Variants in CIT observed in about 807,000 individuals in gnomAD.
CIT encodes the protein citron rho-interacting serine/threonine kinase.
A neutral mutation model predicts 272.7 loss-of-function variants in CIT; 79 were observed. The observed-to-expected ratio is 0.29, with a 90% CI of 0.24 to 0.35. The LOEUF (loss-of-function observed/expected upper bound fraction) is 0.35, where lower values mean the gene tolerates loss of function less well. Among genes scored for constraint, CIT ranks in the 10% least tolerant of loss-of-function variants. The probability of loss-of-function intolerance (pLI) is 1.00; values close to 1 mark genes in which losing one functional copy is unlikely to be tolerated. For synonymous variants in CIT, 948 were observed against 995.6 expected, an observed-to-expected ratio of 0.95 and a Z score of 0.90; for missense variants, 1,909 against 2,618.3, an observed-to-expected ratio of 0.73 and a Z score of 5.91.
intron 9 of CIT, among the ~76,000 whole-genome samples, chr12:119,816,034 G>A (rs1317018790): frequency 6.6e-6 from 1 of 152,168 alleles, no homozygotes; most frequent in Non-Finnish European, 1.5e-5. Flanking sequence ...TTGTATTGTG[G>A]ACTAGTGATA....
At chr12:119,835,742 A>T (rs1968949547) in intron 5 of CIT, among the ~76,000 whole-genome samples, 1 of 152,156 alleles carries the variant, frequency 6.6e-6, no homozygotes, top group Non-Finnish European at 1.5e-5. Context: ...TCAGAAGTAG[A>T]GCATCTGCAC....
chr12:119,758,408 T>C (rs1961311560), intron 21 of CIT, among the ~76,000 whole-genome samples, 183 bp downstream of exon 21: 2 of 152,102 alleles, frequency 1.3e-5, no homozygotes, highest in African/African-American at 4.8e-5. Flanking sequence ...AAAACCCGAC[T>C]CAAAAGTGGC....
In CIT at chr12:119,714,449, G is replaced by A. The variant is rs1593446965; in HGVS notation, c.4169-115C>T. 22 of 1,077,688 alleles carry A rather than the reference G, an allele frequency of 2.0e-5. No individual in the cohort carries two copies. In the East Asian group the frequency reaches 2.6e-4, roughly 13 times the overall value. 66.8% of individuals were successfully genotyped at this position (1,077,688 alleles called of 1,614,324 possible). A position where few individuals can be genotyped will look rare whatever the true frequency, so the allele number is the denominator to read the frequency against. ...ACTTGCAAATCAAATCTCTGATAAG[G>A]GACTCATATCTAGAATACATAAAGA... On this transcript the variant is annotated intron_variant, in intron 32 of 47. Transcript: ENST00000392521.
At chr12:119,761,464 C>T (rs1566003665) in intron 19 of CIT, among the ~76,000 whole-genome samples, 1 of 152,076 alleles carries the variant, frequency 6.6e-6, no homozygotes, top group Non-Finnish European at 1.5e-5. Context: ...CCAGTGCACC[C>T]GTAGTTTTCA....
chr12:119,740,128 G>A (rs1958986456), intron 24 of CIT, among the ~76,000 whole-genome samples: 1 of 152,114 alleles, frequency 6.6e-6, no homozygotes, highest in African/African-American at 2.4e-5. Context: ...TCTCTCTCAG[G>A]TTCACACACA....
intron 2 of CIT, among the ~76,000 whole-genome samples, chr12:119,872,301 G>A (rs903508784): frequency 1.3e-5 from 2 of 151,970 alleles, no homozygotes; most frequent in Non-Finnish European, 2.9e-5. Context: ...AAATTTTGCT[G>A]GCTCAGAAAG....
chr12:119,783,523 G>C (rs1964495639), intron 12 of CIT: 1 of 157,874 alleles, frequency 6.3e-6, no homozygotes, highest in Admixed American at 6.4e-5. Context: ...CAGGAAGATT[G>C]AAAGTAAGTT....
chr12:119,710,520 C>T lies in CIT; in HGVS notation c.4935+20G>A, dbSNP rs200239051. ...TGGCTGTAACCAGACACCAGCTGGC[C>T]GTGCCCATGCAAGCATTACCTGGTC... On this transcript the variant is annotated intron_variant, in intron 38 of 47. Transcript: ENST00000392521. The surrounding 1 kb of genome is among the most constrained non-coding windows in gnomAD (Gnocchi z 5.6). The T allele has an allele frequency of 2.7e-5, 44 of 1,613,730 alleles. No individual in the cohort carries two copies. The highest frequency in any genetic ancestry group is 1.0e-4 in the Admixed American group (6 of 60,020).
At chr12:119,688,681 T>C (rs983210532) in intron 47 of CIT, among the ~76,000 whole-genome samples, 1 of 152,202 alleles carries the variant, frequency 6.6e-6, no homozygotes, top group African/African-American at 2.4e-5. Context: ...CACCAAGCAC[T>C]TGAGCCATGC....
chr12:119,713,551 G>A lies in CIT; in HGVS notation c.4404C>T (p.Cys1468=), dbSNP rs554282569. 2 of 1,614,222 alleles carry A rather than the reference G, an allele frequency of 1.2e-6. No homozygotes were observed. The highest frequency in any genetic ancestry group is 2.2e-5 in the South Asian group (2 of 91,084). Residue 1468 remains cysteine (C), a synonymous_variant, in exon 34 of 48, where the codon TGC becomes TGT. Transcript: ENST00000392521. The surrounding 1 kb of genome is among the most constrained non-coding windows in gnomAD (Gnocchi z 5.2). ...EYATHFTEAF[C]RDKMNSPGLQ... is the part of the protein sequence containing the mutation. ...GACCTGGGGAGTTCATTTTGTCACG[G>A]CAGAAGGCCTCGGTGAAGTGTGTGG...
At position 119,697,524 on chromosome 12, in the gene CIT, C is replaced by T. The variant is rs1033330795; in HGVS notation, c.5882+135G>A. On this transcript the variant is annotated intron_variant, in intron 46 of 47. Transcript: ENST00000392521. This position sits in a 1 kb window ranked among gnomAD's most constrained non-coding sequence, Gnocchi z 4.9. ...TCTGTGTTATTTCAGTGCCGCAGAT[C>T]GCAAACAAATGAATGGTTTGAGCTT... 7.3e-6 allele frequency: 7 copies of T among 957,040 alleles called. No homozygotes were observed. The highest frequency in any genetic ancestry group is 2.4e-5 in the East Asian group (1 of 41,628). The allele number at this position is 957,040 out of a possible 1,614,324, so 59.3% of individuals were successfully genotyped here.
At chr12:119,711,999 T>G (rs1957184195) in intron 37 of CIT, among the ~76,000 whole-genome samples, 179 bp downstream of exon 37, 1 of 152,078 alleles carries the variant, frequency 6.6e-6, no homozygotes, top group African/African-American at 2.4e-5. Context: ...CAAGCTACCT[T>G]GGTGCTTGTG....
intron 26 of CIT, among the ~76,000 whole-genome samples, chr12:119,733,262 G>A (rs1958568368): frequency 6.6e-6 from 1 of 151,922 alleles, no homozygotes. Context: ...AGGTGTGGTG[G>A]CTCACGCTTG....
intron 8 of CIT, among the ~76,000 whole-genome samples, chr12:119,824,292 C>A (rs989375262): frequency 5.3e-5 from 8 of 152,034 alleles, no homozygotes; most frequent in African/African-American, 1.2e-4. Flanking sequence ...TTATTTCAGG[C>A]CAGTTACTTC....
Position 119,714,184 on chromosome 12 carries a change from C to T in CIT, c.4306+13G>A, listed in dbSNP as rs777604075. The T allele has an allele frequency of 1.9e-6, 3 of 1,614,070 alleles. No homozygotes were observed. In the East Asian group the frequency reaches 6.7e-5, roughly 36 times the overall value. ...ACAGGTGCCCAGCACAGATGCACAA[C>T]TACTGATCTTACCGAGACATTTGGA... On this transcript the variant is annotated intron_variant, in intron 33 of 47. Coordinates refer to ENST00000392521, the MANE Select transcript of CIT (RefSeq NM_001206999.2).
chr12:119,783,199 C>G (rs1593727128), intron 12 of CIT: 1 of 152,248 alleles, frequency 6.6e-6, no homozygotes, highest in Non-Finnish European at 1.5e-5. Flanking sequence ...AATAACTTCA[C>G]CCACCACTGA....
intron 32 of CIT, among the ~76,000 whole-genome samples, chr12:119,715,062 A>G (rs1474555179): frequency 9.2e-5 from 14 of 152,214 alleles, no homozygotes; most frequent in Admixed American, 9.2e-4. Flanking sequence ...GGTTTCCCCC[A>G]TACTGTTCTT....
intron 28 of CIT, among the ~76,000 whole-genome samples, chr12:119,723,474 C>G (rs560201670): frequency 6.6e-6 from 1 of 151,516 alleles, no homozygotes; most frequent in African/African-American, 2.4e-5. Context: ...ACCTGCTTCC[C>G]AGAAAGAAGC....
intron 40 of CIT, among the ~76,000 whole-genome samples, chr12:119,706,277 T>C (rs1480611851): frequency 6.6e-6 from 1 of 152,110 alleles, no homozygotes; most frequent in Non-Finnish European, 1.5e-5. Context: ...CAAACACTCT[T>C]TTTTATTATT....
Sources: gnomAD v4.1 joint callset for allele counts (sites outside exome capture counted in the v4.1 genomes callset) on GRCh38, gnomAD v4.1.1 for gene constraint, Gnocchi (gnomAD v3.1) non-coding constraint, MANE v1.5 for transcripts, NCBI Gene and HGNC (gene_info 2026-07-23, HGNC 2026-07-21) for gene names.